The following ZNF354B variants were observed in gnomAD, a reference collection of about 807,000 sequenced individuals.
The protein encoded by ZNF354B is zinc finger protein 354B.
Under a neutral mutation model 12.9 loss-of-function variants are expected in ZNF354B, and 10 were observed. The observed-to-expected ratio is 0.77, with a 90% CI of 0.48 to 1.31. The LOEUF is 1.31. Among genes scored for constraint, ZNF354B ranks in the 40% most tolerant of loss-of-function variants. ZNF354B has a pLI of 0.00. For synonymous variants in ZNF354B, 260 were observed against 243.7 expected (o/e 1.07, Z -0.62); for missense variants, 614 against 711.7 (o/e 0.86, Z 1.56).
intron 4 of ZNF354B, 139 bp downstream of exon 4, chr5:178,867,210 T>C: frequency 1.3e-6 from 1 of 791,612 alleles, no homozygotes; most frequent in Non-Finnish European, 2.2e-6. Flanking sequence ...AAGCCCAGGC[T>C]CTTAGGCAGG....
intron 4 of ZNF354B, among the ~76,000 whole-genome samples, chr5:178,876,764 C>T (rs1014683008): frequency 6.6e-5 from 10 of 151,968 alleles, no homozygotes; most frequent in African/African-American, 4.8e-5. Flanking sequence ...ATTGATACTT[C>T]GATTTGTTCA....
At chr5:178,872,639 C>T (rs995216366) in intron 4 of ZNF354B, among the ~76,000 whole-genome samples, 1 of 152,118 alleles carries the variant, frequency 6.6e-6, no homozygotes, top group Non-Finnish European at 1.5e-5. Flanking sequence ...TACATCCTTG[C>T]CAATATTTTG....
chr5:178,877,710 C>T (rs1034508158), intron 4 of ZNF354B, among the ~76,000 whole-genome samples: 2 of 152,188 alleles, frequency 1.3e-5, no homozygotes, highest in African/African-American at 4.8e-5. Context: ...AAAGGCCACG[C>T]TAGGGATGCT....
At position 178,883,987 on chromosome 5, in the gene ZNF354B, A is replaced by T; in HGVS notation, c.1535A>T (p.His512Leu). ...TFRCNSSLSN[H>L]QRIHTGEKPY... Reference sequence around the variant, plus strand: ...AGGTGTAACTCATCGCTTAGTAATCACCAGAGAATTCATACTGGAGAGAAA... The same window carrying T: ...AGGTGTAACTCATCGCTTAGTAATCTCCAGAGAATTCATACTGGAGAGAAA... The change falls in exon 5 of 5, where the codon CAC becomes CTC. Residue 512 changes from histidine to leucine, a missense_variant. Physicochemically the swap from His to Leu is moderately conservative, Grantham distance 99 (BLOSUM62 -3). Coordinates refer to ENST00000322434, the MANE Select transcript of ZNF354B (RefSeq NM_058230.3). 1 of 1,614,162 alleles carries T rather than the reference A, an allele frequency of 6.2e-7. No homozygotes were observed. Among genetic ancestry groups the T allele is most frequent in the Non-Finnish European group, 8.5e-7 (1 of 1,179,996 alleles).
intron 4 of ZNF354B, among the ~76,000 whole-genome samples, chr5:178,879,113 A>G (rs1241672277): frequency 6.6e-6 from 1 of 151,572 alleles, no homozygotes; most frequent in Admixed American, 6.6e-5. Context: ...CAATGGTGCC[A>G]TCTCGGCTCA....
intron 4 of ZNF354B, among the ~76,000 whole-genome samples, chr5:178,881,446 C>A (rs1482979057): frequency 6.6e-6 from 1 of 152,090 alleles, no homozygotes. Flanking sequence ...GTTATTACAT[C>A]CAAGAATAGG....
chr5:178,877,716 A>C (rs930476501), intron 4 of ZNF354B, among the ~76,000 whole-genome samples: 2 of 152,158 alleles, frequency 1.3e-5, no homozygotes, highest in Non-Finnish European at 2.9e-5. Flanking sequence ...CACGCTAGGG[A>C]TGCTAGTACG....
intron 1 of ZNF354B, among the ~76,000 whole-genome samples, 175 bp downstream of exon 1, chr5:178,860,302 C>G (rs1323728904): frequency 1.3e-5 from 2 of 151,866 alleles, no homozygotes. Context: ...GTGCCGCTGC[C>G]GACGCCCCTG....
chr5:178,863,731 C>T (rs1757398146), intron 2 of ZNF354B, among the ~76,000 whole-genome samples: 1 of 152,148 alleles, frequency 6.6e-6, no homozygotes, highest in African/African-American at 2.4e-5. Context: ...ATGACAGCTG[C>T]ATGTGTGTCA....
intron 4 of ZNF354B, among the ~76,000 whole-genome samples, chr5:178,878,676 C>T (rs1296578167): frequency 6.6e-6 from 1 of 152,010 alleles, no homozygotes; most frequent in East Asian, 1.9e-4. Flanking sequence ...TTAAATTTTC[C>T]ACTTGGAGGT....
At chr5:178,880,419 C>T (rs1162125428) in intron 4 of ZNF354B, among the ~76,000 whole-genome samples, 1 of 151,154 alleles carries the variant, frequency 6.6e-6, no homozygotes, top group East Asian at 2.0e-4. Flanking sequence ...AGGATGGTCT[C>T]GATCTCCTGA....
chr5:178,868,396 G>A (rs1420200759), intron 4 of ZNF354B, among the ~76,000 whole-genome samples: 7 of 150,184 alleles, frequency 4.7e-5, no homozygotes, highest in Non-Finnish European at 8.9e-5. Flanking sequence ...TGAACTGGGG[G>A]GGCTCTGGCT....
intron 2 of ZNF354B, among the ~76,000 whole-genome samples, chr5:178,864,965 T>C (rs750340574): frequency 6.6e-6 from 1 of 152,138 alleles, no homozygotes; most frequent in Non-Finnish European, 1.5e-5. Flanking sequence ...AACAGTGATA[T>C]ATAACCTGCT....
chr5:178,882,496 C>A (rs1046665190), intron 4 of ZNF354B, among the ~76,000 whole-genome samples: 3 of 152,198 alleles, frequency 2.0e-5, no homozygotes, highest in African/African-American at 7.2e-5. Flanking sequence ...GTCACTCTTA[C>A]ACACTCACCC....
chr5:178,862,202 A>G (rs1313251138), intron 2 of ZNF354B, among the ~76,000 whole-genome samples: 18 of 152,016 alleles, frequency 1.2e-4, no homozygotes, highest in Admixed American at 1.1e-3. Flanking sequence ...TTTACATGTG[A>G]GGAAACTGAG....
Position 178,866,379 on chromosome 5 carries a change from A to G in ZNF354B, c.160+9A>G, listed in dbSNP as rs368354768. 2.1e-5 allele frequency: 34 copies of G among 1,606,796 alleles called. No individual in the cohort carries two copies. Among genetic ancestry groups the G allele is most frequent in the Non-Finnish European group, 2.9e-5 (34 of 1,176,626 alleles). Reference sequence around the variant, plus strand: ...GAACCTGGTCTCACTGGGTAAGGAAATTTCCCCTCTAGAAACAGAATTCAA... The same window carrying G: ...GAACCTGGTCTCACTGGGTAAGGAAGTTTCCCCTCTAGAAACAGAATTCAA... On this transcript the variant is annotated intron_variant, in intron 3 of 4. Coordinates refer to ENST00000322434, the MANE Select transcript of ZNF354B (RefSeq NM_058230.3).
chr5:178,875,456 G>A lies in ZNF354B; in HGVS notation c.257-7253G>A, dbSNP rs575656201. ...TGGCAGGGGAAGGGAGGTCACCAGCGAGACAGACTGACTGCTGCTTATGGC... is the reference window on the plus strand; with the variant it reads ...TGGCAGGGGAAGGGAGGTCACCAGCAAGACAGACTGACTGCTGCTTATGGC... On this transcript the variant is annotated intron_variant, in intron 4 of 4. Coordinates refer to ENST00000322434, the MANE Select transcript of ZNF354B (RefSeq NM_058230.3). 3.5e-4 allele frequency among the ~76,000 whole-genome samples: 53 copies of A among 152,264 alleles called. No homozygotes were observed. The South Asian group carries it at 5.6e-3, about 16-fold the overall frequency.
At position 178,861,039 on chromosome 5, in the gene ZNF354B, A is replaced by G. The variant is rs1219956310; in HGVS notation, c.-9A>G. The G allele has an allele frequency of 1.8e-6, 2 of 1,125,578 alleles. No homozygotes were observed. Among genetic ancestry groups the G allele is most frequent in the Non-Finnish European group, 2.6e-6 (2 of 772,144 alleles). The allele number at this position is 1,125,578 out of a possible 1,614,324, so 69.7% of individuals were successfully genotyped here. A position where few individuals can be genotyped will look rare whatever the true frequency, so the allele number is the denominator to read the frequency against. On this transcript the variant is annotated 5_prime_UTR_variant, in exon 2 of 5. Coordinates refer to ENST00000322434, the MANE Select transcript of ZNF354B (RefSeq NM_058230.3). ...TGCGCCGTCCTCCCGGGAGAGCCAG[A>G]AAGAGGACATGGCTGCTGGGCAGCG...
intron 3 of ZNF354B, among the ~76,000 whole-genome samples, chr5:178,866,599 A>G (rs75717527): frequency 0.098 from 14,887 of 152,104 alleles, 784 homozygotes; most frequent in Non-Finnish European, 0.12. Flanking sequence ...CTGCTGCACA[A>G]TTTCACATTA....
Sources: gnomAD v4.1 joint callset for allele counts (sites outside exome capture counted in the v4.1 genomes callset) on GRCh38, gnomAD v4.1.1 for gene constraint, MANE v1.5 for transcripts, NCBI Gene and HGNC (gene_info 2026-07-23, HGNC 2026-07-21) for gene names.